The following CAMTA1 variants were observed in gnomAD, a reference collection of about 807,000 sequenced individuals.
CAMTA1 encodes calmodulin-binding transcription activator 1.
A neutral mutation model predicts 170.9 loss-of-function variants in CAMTA1; 27 were observed. That is an observed-to-expected ratio of 0.16 (90% confidence interval 0.12 to 0.22). The LOEUF (loss-of-function observed/expected upper bound fraction) is 0.22. Ranked by LOEUF, CAMTA1 falls within the 10% of genes least tolerant of loss-of-function variation. The pLI, the probability that CAMTA1 is intolerant of heterozygous loss-of-function variation, is 1.00. For synonymous variants in CAMTA1, 833 were observed against 891.5 expected (o/e 0.93, Z 1.17); for missense variants, 1,619 against 2,217.2 (o/e 0.73, Z 5.42).
In CAMTA1 at chr1:6,862,554, A is replaced by C. The variant is rs184059269; in HGVS notation, c.234+37344A>C. The stretch of plus-strand genomic sequence containing the variant: ...TTCATTTTTTAACTATTCCAATTTG[A>C]ATTTAGCTTCCATTATTCCGCCAAA... On this transcript the variant is annotated intron_variant, in intron 3 of 22. Coordinates refer to ENST00000303635, the MANE Select transcript of CAMTA1 (RefSeq NM_015215.4). Among the ~76,000 whole-genome samples the C allele has an allele frequency of 2.0e-4, 30 of 152,318 alleles. No individual in the cohort carries two copies. In the East Asian group the frequency reaches 3.7e-3, roughly 19 times the overall value.
intron 6 of CAMTA1, among the ~76,000 whole-genome samples, chr1:7,577,278 G>A (rs750087566): frequency 4.6e-5 from 4 of 87,818 alleles, no homozygotes; most frequent in Non-Finnish European, 1.0e-4. Context: ...TGTGTAGAAC[G>A]AGGTGTGCCA....
chr1:7,498,021 A>T (rs2149752602), intron 6 of CAMTA1, among the ~76,000 whole-genome samples: 1 of 151,670 alleles, frequency 6.6e-6, no homozygotes, highest in East Asian at 1.9e-4. Flanking sequence ...TGTTGGGATG[A>T]GTCCAGTCCT....
intron 6 of CAMTA1, among the ~76,000 whole-genome samples, chr1:7,512,263 G>T (rs1381162986): frequency 1.3e-5 from 2 of 152,230 alleles, no homozygotes; most frequent in Non-Finnish European, 2.9e-5. Flanking sequence ...CAAACGATGG[G>T]CAGAATCATC....
chr1:7,322,130 C>A (rs1259767271), intron 5 of CAMTA1, among the ~76,000 whole-genome samples: 1 of 152,168 alleles, frequency 6.6e-6, no homozygotes, highest in African/African-American at 2.4e-5. Context: ...TGGGGGTTAT[C>A]AATTTTTTGA....
In CAMTA1 at chr1:7,664,759, G is replaced by A; in HGVS notation, c.2212G>A (p.Gly738Ser). ...CGCCGGCGGCGTCCCCATCCTCCCGGGCAACGTGGTGCAGGGACTCTACCC... is the reference window on the plus strand; with the variant it reads ...CGCCGGCGGCGTCCCCATCCTCCCGAGCAACGTGGTGCAGGGACTCTACCC... Reference protein sequence around the residue: ...RSAGGVPILPGNVVQGLYPVA... With the variant: ...RSAGGVPILPSNVVQGLYPVA... Residue 738 changes from glycine (G) to serine (S), a missense_variant, in exon 9 of 23, where the codon GGC becomes AGC. By Grantham distance (56) the Gly-to-Ser change is moderately conservative. Around this residue, in one of 8 missense-constraint regions of CAMTA1, gnomAD observed 731 missense variants for 907.6 expected, o/e 0.81. Coordinates refer to ENST00000303635, the MANE Select transcript of CAMTA1 (RefSeq NM_015215.4). 6.2e-7 allele frequency: 1 copy of A among 1,609,132 alleles called. No homozygotes were observed. Among genetic ancestry groups the A allele is most frequent in the Non-Finnish European group, 8.5e-7 (1 of 1,176,902 alleles).
At chr1:6,872,018 A>T (rs1668533864) in intron 3 of CAMTA1, 19 of 1,167,366 alleles carry the variant, frequency 1.6e-5, no homozygotes, top group Non-Finnish European at 2.0e-5. Flanking sequence ...GTTTTAAAAT[A>T]AAGTGTAATC....
chr1:7,391,504 C>A (rs1326974573), intron 5 of CAMTA1, among the ~76,000 whole-genome samples: 5 of 152,134 alleles, frequency 3.3e-5, no homozygotes, highest in Admixed American at 6.5e-5. Context: ...TCTGGAGATA[C>A]AATTAACATA....
rs115740420 is a variant in CAMTA1, at chr1:7,183,219, G to A, written c.303-66272G>A. ...AGAGAGGGAGCAAGAGAAAGAGGAG[G>A]AGGTGTCATGTACCTTTTAACAGCC... On this transcript the variant is annotated intron_variant, in intron 4 of 22. Coordinates refer to ENST00000303635, the MANE Select transcript of CAMTA1 (RefSeq NM_015215.4). Among the ~76,000 whole-genome samples, 620 of 152,184 alleles carry A rather than the reference G, an allele frequency of 4.1e-3. 1 individual carries two copies. Among genetic ancestry groups the A allele is most frequent in the Non-Finnish European group, 6.2e-3 (420 of 67,996 alleles).
intron 5 of CAMTA1, among the ~76,000 whole-genome samples, chr1:7,311,836 G>T (rs938534901): frequency 3.9e-5 from 6 of 152,100 alleles, no homozygotes; most frequent in Non-Finnish European, 8.8e-5. Flanking sequence ...CCTGTGTGTG[G>T]GACCTAGGGG....
intron 5 of CAMTA1, among the ~76,000 whole-genome samples, chr1:7,466,213 G>A (rs1053102091): frequency 5.3e-5 from 8 of 152,134 alleles, no homozygotes; most frequent in African/African-American, 1.2e-4. Flanking sequence ...CCAAAACAAC[G>A]AAAACAAAAC....
intron 4 of CAMTA1, among the ~76,000 whole-genome samples, chr1:7,164,987 A>G (rs1648076484): frequency 6.6e-6 from 1 of 152,236 alleles, no homozygotes; most frequent in South Asian, 2.1e-4. Context: ...CTTTATGAGA[A>G]AGTGTTTGGA....
intron 5 of CAMTA1, among the ~76,000 whole-genome samples, chr1:7,351,652 C>G (rs1262145225): frequency 6.6e-6 from 1 of 152,198 alleles, no homozygotes; most frequent in African/African-American, 2.4e-5. Context: ...GAAACACATT[C>G]CATTTTCTGT....
intron 11 of CAMTA1, among the ~76,000 whole-genome samples, chr1:7,730,329 T>C (rs1577245658): frequency 6.6e-6 from 1 of 152,272 alleles, no homozygotes; most frequent in South Asian, 2.1e-4. Context: ...CCCTCTGTGC[T>C]CCAGCCACAC....
At chr1:6,973,720 G>A (rs945116424) in intron 3 of CAMTA1, among the ~76,000 whole-genome samples, 1 of 152,160 alleles carries the variant, frequency 6.6e-6, no homozygotes, top group African/African-American at 2.4e-5. Context: ...TTTGTCATCT[G>A]CTGGGTGACA....
rs537049191 is a variant in CAMTA1, at chr1:7,337,869, C to A, written c.438+88243C>A. Among the ~76,000 whole-genome samples, 70 of 152,240 alleles carry A rather than the reference C, an allele frequency of 4.6e-4. 4 individuals are homozygous for A. In the South Asian group the frequency reaches 9.7e-3, roughly 21 times the overall value. ...CTCAAGATTACAGCATCAACTCTTA[C>A]CCGAATTTCCAGCCCGCTTGTCCGC... On this transcript the variant is annotated intron_variant, in intron 5 of 22. Coordinates refer to ENST00000303635, the MANE Select transcript of CAMTA1 (RefSeq NM_015215.4).
intron 4 of CAMTA1, among the ~76,000 whole-genome samples, chr1:7,175,255 G>A (rs544448893): frequency 3.0e-4 from 40 of 134,268 alleles, no homozygotes; most frequent in South Asian, 2.8e-3. Context: ...GCCACGGTGC[G>A]GCTGGCAGTT....
chr1:7,747,571 T>G, intron 18 of CAMTA1, 139 bp from the exon 19 acceptor site: 1 of 558,932 alleles, frequency 1.8e-6, no homozygotes, highest in Non-Finnish European at 3.1e-6. Context: ...TTTTCCTCAT[T>G]TATAATTAAT....
chr1:6,962,799 C>T (rs952192820), intron 3 of CAMTA1, among the ~76,000 whole-genome samples: 4 of 146,690 alleles, frequency 2.7e-5, no homozygotes, highest in East Asian at 2.1e-4. Context: ...TTTTTGGGCC[C>T]GCACCCATCT....
chr1:6,922,405 T>TC (rs34926142), intron 3 of CAMTA1, among the ~76,000 whole-genome samples: 106,776 of 152,056 alleles, frequency 0.7, 37,739 homozygotes, highest in Admixed American at 0.77. Context: ...CCCAAGCAGC[T>TC]TCACTTGGGG....
Sources: gnomAD v4.1 joint callset for allele counts (sites outside exome capture counted in the v4.1 genomes callset) on GRCh38, gnomAD v4.1.1 for gene constraint, gnomAD v4.1.1 regional missense constraint, MANE v1.5 for transcripts, NCBI Gene and HGNC (gene_info 2026-07-23, HGNC 2026-07-21) for gene names.